The following SHISAL2A variants were observed in gnomAD, a reference collection of about 807,000 sequenced individuals.
SHISAL2A encodes the protein shisa like 2A.
Under a neutral mutation model 11.5 loss-of-function variants are expected in SHISAL2A, and 18 were observed. That is an observed-to-expected ratio of 1.57 (90% CI 1.08 to 2.33). SHISAL2A has a LOEUF of 2.33. Among genes scored for constraint, SHISAL2A ranks in the 30% most tolerant of loss-of-function variants. The probability of loss-of-function intolerance (pLI) is 0.00; values close to 1 mark genes in which losing one functional copy is unlikely to be tolerated. For synonymous variants in SHISAL2A, 94 were observed against 99.6 expected (o/e 0.94, Z 0.34); for missense variants, 261 against 250.9 (o/e 1.04, Z -0.27).
At chr1:52,659,041 G>GT (rs1691854165), downstream of SHISAL2A, among the ~76,000 whole-genome samples, 4 of 147,524 alleles carry the variant, frequency 2.7e-5, no homozygotes, top group Non-Finnish European at 6.0e-5. Flanking sequence ...TGGTGGTGGT[G>GT]GTGTGTGTGT....
chr1:52,635,681 GCTACACGACTC>G (rs1188692379), intron 1 of SHISAL2A, among the ~76,000 whole-genome samples: 23 of 151,922 alleles, frequency 1.5e-4, no homozygotes, highest in African/African-American at 5.6e-4. Flanking sequence ...GTGACCTCCA[GCTACACGACTC>G]CTGAACCATA....
At chr1:52,663,475 A>G (rs1395215156) in intron 4 of SHISAL2A, among the ~76,000 whole-genome samples, 2 of 152,198 alleles carry the variant, frequency 1.3e-5, no homozygotes, top group African/African-American at 2.4e-5. Flanking sequence ...AAATCAGAAC[A>G]TGTGGCCGGG....
At chr1:52,639,962 G>T (rs1335198691) in intron 1 of SHISAL2A, 4 of 151,850 alleles carry the variant, frequency 2.6e-5, no homozygotes, top group Non-Finnish European at 4.4e-5. Flanking sequence ...GCTAATTTTT[G>T]TATTTTTTGT....
chr1:52,660,035 C>G (rs796817857), downstream of SHISAL2A, among the ~76,000 whole-genome samples: 4 of 152,272 alleles, frequency 2.6e-5, no homozygotes, highest in African/African-American at 9.6e-5. Context: ...GCCTCCTACC[C>G]CAGTGTCTGA....
chr1:52,636,809 G>A (rs1288735514), intron 1 of SHISAL2A, among the ~76,000 whole-genome samples: 1 of 152,184 alleles, frequency 6.6e-6, no homozygotes, highest in African/African-American at 2.4e-5. Flanking sequence ...GAAAACTCAG[G>A]CCTGTCTCAT....
At chr1:52,637,480 A>G (rs1036012829) in intron 1 of SHISAL2A, among the ~76,000 whole-genome samples, 1 of 152,310 alleles carries the variant, frequency 6.6e-6, no homozygotes. Context: ...TGCTATCTTT[A>G]AAATTGTGCC....
intron 1 of SHISAL2A, among the ~76,000 whole-genome samples, chr1:52,641,637 G>A (rs1691366699): frequency 6.6e-6 from 1 of 152,136 alleles, no homozygotes; most frequent in Non-Finnish European, 1.5e-5. Context: ...ATGGAGGTTG[G>A]GTCAGAAGTT....
downstream of SHISAL2A, chr1:52,657,137 G>GCTCTCCAT (rs1305264107): frequency 1.4e-5 from 21 of 1,451,536 alleles, no homozygotes; most frequent in Non-Finnish European, 1.9e-5. Context: ...GATAAATGAG[G>GCTCTCCAT]GCTTCTCCCA....
At chr1:52,663,749 G>A (rs1227056778) in intron 4 of SHISAL2A, among the ~76,000 whole-genome samples, 1 of 151,936 alleles carries the variant, frequency 6.6e-6, no homozygotes, top group Non-Finnish European at 1.5e-5. Context: ...CAACAAGAGC[G>A]AAACTGCGTC....
chr1:52,665,460 G>A (rs1454642418), intron 4 of SHISAL2A, among the ~76,000 whole-genome samples: 1 of 152,078 alleles, frequency 6.6e-6, no homozygotes, highest in Non-Finnish European at 1.5e-5. Flanking sequence ...CTTCTACCTG[G>A]GCTCACCCTT....
chr1:52,634,077 A>G (rs531776285), intron 1 of SHISAL2A, among the ~76,000 whole-genome samples: 5 of 152,020 alleles, frequency 3.3e-5, no homozygotes, highest in Non-Finnish European at 5.9e-5. Flanking sequence ...CCTTCCTAAT[A>G]TCAACACCAG....
chr1:52,660,650 C>T (rs778153683), downstream of SHISAL2A, among the ~76,000 whole-genome samples: 22 of 152,092 alleles, frequency 1.4e-4, no homozygotes, highest in Admixed American at 1.1e-3. Context: ...GAGTGGGCTT[C>T]GGATGGAGGG....
chr1:52,637,012 C>T (rs114789909), intron 1 of SHISAL2A, among the ~76,000 whole-genome samples: 35 of 152,324 alleles, frequency 2.3e-4, no homozygotes, highest in African/African-American at 7.5e-4. Flanking sequence ...AACCCCTTCC[C>T]TACACAGCTC....
Position 52,633,589 on chromosome 1 carries a change from C to A in SHISAL2A, c.96C>A (p.Phe32Leu). The A allele has an allele frequency of 6.2e-7, 1 of 1,612,472 alleles. No homozygotes were observed. Among genetic ancestry groups the A allele is most frequent in the Non-Finnish European group, 8.5e-7 (1 of 1,179,372 alleles). ...CGGGGGGCGAGGCGGCCGCTGTCTT[C>A]TGCTGCGGCTTCCGCGACCACAAGT... is the stretch of plus-strand genomic sequence containing the variant. ...PRPGGEAAAVFCCGFRDHKYC... is the reference protein window; with the variant it reads ...PRPGGEAAAVLCCGFRDHKYC... Residue 32 changes from phenylalanine to leucine, a missense_variant, in exon 1 of 3, where the codon TTC becomes TTA. Coordinates refer to ENST00000517870, the MANE Select transcript of SHISAL2A (RefSeq NM_001042693.3). This position sits in a 1 kb window ranked among gnomAD's most constrained non-coding sequence, Gnocchi z 6.4.
At chr1:52,660,658 G>T (rs917524689), downstream of SHISAL2A, among the ~76,000 whole-genome samples, 1 of 152,186 alleles carries the variant, frequency 6.6e-6, no homozygotes, top group African/African-American at 2.4e-5. Flanking sequence ...TTCGGATGGA[G>T]GGGAGTGAAT....
At chr1:52,662,028 G>A (rs1177078653), downstream of SHISAL2A, among the ~76,000 whole-genome samples, 2 of 150,504 alleles carry the variant, frequency 1.3e-5, no homozygotes, top group Non-Finnish European at 3.0e-5. Flanking sequence ...GCAAGACTCC[G>A]TCTCAAAAAA....
intron 2 of SHISAL2A, among the ~76,000 whole-genome samples, chr1:52,653,634 A>G (rs1691723265): frequency 6.6e-6 from 1 of 152,170 alleles, no homozygotes; most frequent in African/African-American, 2.4e-5. Context: ...CCAAACAAAA[A>G]AAAAACTACA....
intron 2 of SHISAL2A, among the ~76,000 whole-genome samples, chr1:52,653,520 G>A (rs1691721058): frequency 6.6e-6 from 1 of 151,718 alleles, no homozygotes; most frequent in African/African-American, 2.4e-5. Context: ...GAGGTGGGAG[G>A]ATCCCTTGAG....
downstream of SHISAL2A, among the ~76,000 whole-genome samples, chr1:52,658,460 A>G (rs1186234281): frequency 6.6e-6 from 1 of 152,236 alleles, no homozygotes; most frequent in Non-Finnish European, 1.5e-5. Context: ...CTGGAGCCAA[A>G]TGCCTGGTTA....
Sources: gnomAD v4.1 joint callset for allele counts (sites outside exome capture counted in the v4.1 genomes callset) on GRCh38, gnomAD v4.1.1 for gene constraint, Gnocchi (gnomAD v3.1) non-coding constraint, MANE v1.5 for transcripts, NCBI Gene and HGNC (gene_info 2026-07-23, HGNC 2026-07-21) for gene names.